CAB39: variants seen among roughly 807,000 people sequenced by gnomAD.
CAB39 encodes calcium binding protein 39.
Under a neutral mutation model 40.0 loss-of-function variants are expected in CAB39, and 8 were observed. That is an observed-to-expected ratio of 0.20 (90% CI 0.12 to 0.36). CAB39 has a LOEUF of 0.36. Among genes scored for constraint, CAB39 ranks in the 10% least tolerant of loss-of-function variants. The pLI is 1.00. For missense variants in CAB39, 270 were observed against 401.1 expected (o/e 0.67, Z 2.79); for synonymous variants, 156 against 141.6 (o/e 1.10, Z -0.72).
At chr2:230,725,940 C>T (rs112206014) in intron 1 of CAB39, among the ~76,000 whole-genome samples, 2,830 of 152,236 alleles carry the variant, frequency 0.019, 83 homozygotes, top group African/African-American at 0.058. Flanking sequence ...GAATACCTAG[C>T]TAAGTGTTGA....
intron 1 of CAB39, among the ~76,000 whole-genome samples, chr2:230,743,554 TA>T (rs1345801198): frequency 6.6e-6 from 1 of 152,240 alleles, no homozygotes; most frequent in Non-Finnish European, 1.5e-5. Flanking sequence ...CAAGCTACAT[TA>T]ATATAGAAAA....
intron 2 of CAB39, among the ~76,000 whole-genome samples, chr2:230,787,814 AG>A (rs1461394650): frequency 6.6e-6 from 1 of 152,230 alleles, no homozygotes; most frequent in Non-Finnish European, 1.5e-5. Context: ...TAGGGAAGAT[AG>A]GCAGGCTGCC....
intron 2 of CAB39, among the ~76,000 whole-genome samples, chr2:230,773,207 G>A (rs1032143052): frequency 2.0e-5 from 3 of 151,970 alleles, no homozygotes; most frequent in African/African-American, 7.3e-5. Context: ...GGTAGAGGGA[G>A]GGAACCACAA....
chr2:230,757,438 G>A (rs1177266373), intron 1 of CAB39, among the ~76,000 whole-genome samples: 1 of 152,094 alleles, frequency 6.6e-6, no homozygotes, highest in East Asian at 1.9e-4. Flanking sequence ...CATATGTTCT[G>A]TAAAATCTTA....
intron 2 of CAB39, among the ~76,000 whole-genome samples, chr2:230,763,151 C>G (rs546766928): frequency 5.1e-4 from 78 of 151,944 alleles, no homozygotes; most frequent in Non-Finnish European, 9.7e-4. Flanking sequence ...CCATATTGTC[C>G]AAAACAAAAA....
intron 2 of CAB39, among the ~76,000 whole-genome samples, chr2:230,773,283 T>G (rs372630003): frequency 1.3e-5 from 2 of 149,682 alleles, no homozygotes; most frequent in African/African-American, 4.9e-5. Context: ...TCTTGATGGT[T>G]TCATGGGTGT....
intron 1 of CAB39, among the ~76,000 whole-genome samples, chr2:230,739,416 AC>A (rs1328298894): frequency 6.6e-6 from 1 of 152,248 alleles, no homozygotes; most frequent in East Asian, 1.9e-4. Flanking sequence ...TTGATAAAAG[AC>A]CTTTAACATA....
At chr2:230,732,375 C>G (rs939776961) in intron 1 of CAB39, among the ~76,000 whole-genome samples, 2 of 152,204 alleles carry the variant, frequency 1.3e-5, no homozygotes, top group African/African-American at 4.8e-5. Context: ...AGCCACCGCG[C>G]CCGGCCGAAA....
At position 230,818,796 on chromosome 2, in the gene CAB39, C is replaced by G; in HGVS notation, c.*92C>G. 1 of 973,660 alleles carries G rather than the reference C, an allele frequency of 1.0e-6. No individual in the cohort carries two copies. Among genetic ancestry groups the G allele is most frequent in the South Asian group, 1.6e-5 (1 of 62,038 alleles). 60.3% of individuals were successfully genotyped at this position (973,660 alleles called of 1,614,324 possible). On this transcript the variant is annotated 3_prime_UTR_variant, in exon 9 of 9. Coordinates refer to ENST00000258418, the MANE Select transcript of CAB39 (RefSeq NM_016289.4). ...TCTTATTGATTCATGAGGAACATTACTGCTAATCTGCTGTTAAGTGAACGG... is the reference window on the plus strand; with the variant it reads ...TCTTATTGATTCATGAGGAACATTAGTGCTAATCTGCTGTTAAGTGAACGG...
At chr2:230,791,564 C>T (rs747450328) in intron 3 of CAB39, among the ~76,000 whole-genome samples, 1 of 152,154 alleles carries the variant, frequency 6.6e-6, no homozygotes, top group African/African-American at 2.4e-5. Context: ...CATTTATACA[C>T]GGTCTGAATT....
chr2:230,797,629 A>G (rs1209437182), intron 4 of CAB39, among the ~76,000 whole-genome samples: 1 of 152,078 alleles, frequency 6.6e-6, no homozygotes, highest in Admixed American at 6.5e-5. Flanking sequence ...GAAAATGCCT[A>G]ACTAATTCAG....
intron 8 of CAB39, among the ~76,000 whole-genome samples, 170 bp from the exon 9 acceptor site, chr2:230,818,346 T>A (rs1240407721): frequency 6.6e-6 from 1 of 151,844 alleles, no homozygotes; most frequent in Non-Finnish European, 1.5e-5. Flanking sequence ...GTAATTATTA[T>A]TTTTTTTTCC....
At chr2:230,772,963 A>G (rs1310288491) in intron 2 of CAB39, among the ~76,000 whole-genome samples, 1 of 148,222 alleles carries the variant, frequency 6.7e-6, no homozygotes, top group East Asian at 2.0e-4. Flanking sequence ...CATCCATGTA[A>G]CAGAGTACTA....
At chr2:230,805,678 CCTT>C (rs1384490239) in intron 5 of CAB39, among the ~76,000 whole-genome samples, 1 of 152,216 alleles carries the variant, frequency 6.6e-6, no homozygotes, top group Admixed American at 6.5e-5. Context: ...TAGAATTACT[CCTT>C]CATCACAACA....
chr2:230,814,228 C>T (rs1410171881), intron 7 of CAB39, 114 bp downstream of exon 7: 3 of 578,756 alleles, frequency 5.2e-6, no homozygotes, highest in South Asian at 6.3e-5. Context: ...AAATAAATAC[C>T]TTTGCCGAGG....
chr2:230,785,857 G>GTTTT (rs529689654), intron 2 of CAB39, among the ~76,000 whole-genome samples: 2 of 147,900 alleles, frequency 1.4e-5, no homozygotes, highest in Admixed American at 1.3e-4. Context: ...TAACTTTTGT[G>GTTTT]TTTTTTTTTT....
In CAB39 at chr2:230,770,121, CAA is replaced by C. The variant is rs1433435377; in HGVS notation, c.114+10007_114+10008del. On this transcript the variant is annotated intron_variant, in intron 2 of 8. Transcript: ENST00000258418. ...GTTTCTACCTTAAAAACTAGAAAAACAAGAGCAAATTAAATACAAAGTAAGCA... is the reference window on the plus strand; with the variant it reads ...GTTTCTACCTTAAAAACTAGAAAAACGAGCAAATTAAATACAAAGTAAGCA... 5.3e-5 allele frequency among the ~76,000 whole-genome samples: 8 copies of C among 150,916 alleles called. No individual in the cohort carries two copies. In the East Asian group the frequency reaches 7.7e-4, roughly 15 times the overall value.
chr2:230,795,596 G>A (rs1695972749), intron 4 of CAB39, among the ~76,000 whole-genome samples: 2 of 152,096 alleles, frequency 1.3e-5, no homozygotes, highest in Admixed American at 6.5e-5. Flanking sequence ...CCCATTTCTG[G>A]TGATGTTCGG....
intron 1 of CAB39, chr2:230,725,401 C>A (rs546416506): frequency 1.9e-6 from 3 of 1,598,122 alleles, no homozygotes; most frequent in Non-Finnish European, 2.6e-6. Context: ...GGGAGGTTGT[C>A]ATCTTGATCA....
Sources: gnomAD v4.1 joint callset for allele counts (sites outside exome capture counted in the v4.1 genomes callset) on GRCh38, gnomAD v4.1.1 for gene constraint, MANE v1.5 for transcripts, NCBI Gene and HGNC (gene_info 2026-07-23, HGNC 2026-07-21) for gene names.